SORBS2: variants seen among roughly 807,000 people sequenced by gnomAD.
SORBS2 encodes sorbin and SH3 domain containing 2, also known as sorbin and SH3 domain-containing protein 2.
In SORBS2, 46 loss-of-function variants were observed where a neutral mutation model predicts 97.7. That is an observed-to-expected ratio of 0.47 (90% CI 0.37 to 0.60). SORBS2 has a LOEUF of 0.60. Among genes scored for constraint, SORBS2 ranks in the 20% least tolerant of loss-of-function variants. The pLI is 0.00. For missense variants in SORBS2, 1,316 were observed against 1,282.3 expected (o/e 1.03, Z -0.40); for synonymous variants, 476 against 473.4 (o/e 1.01, Z -0.07).
At position 185,607,392 on chromosome 4, in the gene SORBS2, T is replaced by A; in HGVS notation, c.2796+4388A>T. The A allele has an allele frequency of 9.5e-7, 1 of 1,052,050 alleles. No individual in the cohort carries two copies. Among genetic ancestry groups the A allele is most frequent in the Non-Finnish European group, 1.3e-6 (1 of 774,248 alleles). 65.2% of individuals were successfully genotyped at this position (1,052,050 alleles called of 1,614,324 possible). A position where few individuals can be genotyped will look rare whatever the true frequency, so the allele number is the denominator to read the frequency against. ...ATTATGAAGTTAAGAAAAAATAAAC[T>A]AAGAAAATAATAATAATGCATCAAA... On this transcript the variant is annotated intron_variant, in intron 12 of 14. Coordinates refer to ENST00000418609, the Ensembl canonical transcript of SORBS2. The surrounding 1 kb of genome is among the most constrained non-coding windows in gnomAD (Gnocchi z 5.2).
chr4:185,831,999 G>A (rs1465158047), intron 1 of SORBS2, among the ~76,000 whole-genome samples: 1 of 152,166 alleles, frequency 6.6e-6, no homozygotes, highest in Non-Finnish European at 1.5e-5. Context: ...ATGTTAAATA[G>A]TATTACCAGT....
chr4:185,602,990 A>G (rs79355362), intron 12 of SORBS2, among the ~76,000 whole-genome samples: 3,061 of 152,350 alleles, frequency 0.02, 104 homozygotes, highest in African/African-American at 0.069. Flanking sequence ...AGTCAGAAGT[A>G]TCTCATGTGG....
chr4:185,907,973 T>C (rs1006150904), intron 1 of SORBS2, among the ~76,000 whole-genome samples: 1 of 152,082 alleles, frequency 6.6e-6, no homozygotes, highest in African/African-American at 2.4e-5. Context: ...GTATAAGGTG[T>C]AATTAAACAT....
At chr4:185,853,851 C>A (rs1280265141) in intron 1 of SORBS2, among the ~76,000 whole-genome samples, 1 of 152,054 alleles carries the variant, frequency 6.6e-6, no homozygotes, top group Non-Finnish European at 1.5e-5. Flanking sequence ...AAAATGAAGG[C>A]AAAACTATGA....
intron 2 of SORBS2, among the ~76,000 whole-genome samples, chr4:185,708,538 A>C (rs961065310): frequency 3.3e-5 from 5 of 152,222 alleles, no homozygotes; most frequent in Non-Finnish European, 7.3e-5. Flanking sequence ...TCAAAAATGA[A>C]ATCACTTTAT....
At chr4:185,893,455 G>T (rs1290620680) in intron 1 of SORBS2, among the ~76,000 whole-genome samples, 3 of 152,208 alleles carry the variant, frequency 2.0e-5, no homozygotes, top group Non-Finnish European at 4.4e-5. Flanking sequence ...GATACTGGGA[G>T]ACCCGGGCCC....
At chr4:185,652,582 T>A in intron 2 of SORBS2, 80 bp downstream of exon 10, 5 of 1,098,376 alleles carry the variant, frequency 4.6e-6, no homozygotes, top group Non-Finnish European at 7.0e-6. Context: ...ACATTGTGTG[T>A]GAATCAAACC....
chr4:185,708,627 C>T (rs971204864), intron 2 of SORBS2, among the ~76,000 whole-genome samples: 4 of 152,150 alleles, frequency 2.6e-5, no homozygotes, highest in African/African-American at 9.7e-5. Context: ...TTTAGTTTTT[C>T]CTGGAATTAT....
At chr4:185,653,026 T>A (rs2097339378) in intron 1 of SORBS2, among the ~76,000 whole-genome samples, 1 of 152,264 alleles carries the variant, frequency 6.6e-6, no homozygotes, top group African/African-American at 2.4e-5. Flanking sequence ...TGCACAAATA[T>A]ATAAAGTTCA....
intron 4 of SORBS2, among the ~76,000 whole-genome samples, chr4:185,636,776 G>GT (rs1230663588): frequency 6.6e-6 from 1 of 151,704 alleles, no homozygotes; most frequent in Admixed American, 6.6e-5. Context: ...GGTCTCCCAA[G>GT]TAGCTGGGAC....
At chr4:185,887,865 A>G (rs2099240439) in intron 1 of SORBS2, among the ~76,000 whole-genome samples, 1 of 152,028 alleles carries the variant, frequency 6.6e-6, no homozygotes. Flanking sequence ...TTGTTCCTCA[A>G]AACTTTCCCC....
chr4:185,730,045 C>T (rs942040851), intron 2 of SORBS2, among the ~76,000 whole-genome samples: 11 of 152,084 alleles, frequency 7.2e-5, no homozygotes, highest in African/African-American at 1.7e-4. Context: ...CTCCGCCTCC[C>T]GGGTTCACGC....
chr4:185,721,120 ACT>A (rs2098510617), intron 2 of SORBS2, among the ~76,000 whole-genome samples: 1 of 118,918 alleles, frequency 8.4e-6, no homozygotes, highest in South Asian at 2.6e-4. Context: ...ACAGAATCTC[ACT>A]CTGTCGCCCT....
chr4:185,909,054 C>T (rs1383987764), intron 1 of SORBS2, among the ~76,000 whole-genome samples: 3 of 152,108 alleles, frequency 2.0e-5, no homozygotes, highest in South Asian at 2.1e-4. Context: ...TGGGTTTCTA[C>T]CCATAGGAAA....
At chr4:185,827,979 CCATCAT>C (rs200873178) in intron 1 of SORBS2, among the ~76,000 whole-genome samples, 3 of 38,014 alleles carry the variant, frequency 7.9e-5, no homozygotes, top group Non-Finnish European at 2.2e-4. Context: ...CATCTCATCA[CCATCAT>C]CATCATCATC....
intron 3 of SORBS2, among the ~76,000 whole-genome samples, chr4:185,647,205 C>T (rs940548926): frequency 6.6e-6 from 1 of 152,084 alleles, no homozygotes; most frequent in African/African-American, 2.4e-5. Flanking sequence ...GGTTGGCGTG[C>T]ACCAGAGCAG....
At chr4:185,613,563 G>A (rs951814322) in intron 11 of SORBS2, among the ~76,000 whole-genome samples, 4 of 146,242 alleles carry the variant, frequency 2.7e-5, no homozygotes, top group African/African-American at 5.1e-5. Flanking sequence ...TGGGAGAATC[G>A]CTTGAACCTG....
At chr4:185,628,379 T>G (rs2096853397) in intron 5 of SORBS2, among the ~76,000 whole-genome samples, 1 of 151,772 alleles carries the variant, frequency 6.6e-6, no homozygotes. Flanking sequence ...ACCTCAAGGG[T>G]TGCCTGCAGC....
chr4:185,753,054 A>G (rs1054239246), intron 2 of SORBS2, among the ~76,000 whole-genome samples: 7 of 152,248 alleles, frequency 4.6e-5, no homozygotes, highest in Admixed American at 2.0e-4. Flanking sequence ...TCTCAGAACC[A>G]GTGACCACGG....
Sources: allele counts gnomAD v4.1 joint callset (sites outside exome capture counted in the v4.1 genomes callset), GRCh38; gene constraint gnomAD v4.1.1; non-coding constraint Gnocchi (gnomAD v3.1); transcripts MANE v1.5; gene names NCBI Gene and HGNC (gene_info 2026-07-23, HGNC 2026-07-21).